Variants in UBE2H observed in about 807,000 individuals in gnomAD.
UBE2H encodes the protein ubiquitin-conjugating enzyme E2 H.
A neutral mutation model predicts 29.0 loss-of-function variants in UBE2H; 3 were observed. That is an observed-to-expected ratio of 0.10 (90% confidence interval 0.05 to 0.27). The LOEUF (loss-of-function observed/expected upper bound fraction) is 0.27. UBE2H is among the 10% of genes least tolerant of loss of function. The probability of loss-of-function intolerance (pLI) is 1.00; values close to 1 mark genes in which losing one functional copy is unlikely to be tolerated. For missense variants in UBE2H, 68 were observed against 228.2 expected, an observed-to-expected ratio of 0.30 and a Z score of 4.52; for synonymous variants, 69 against 82.9, an observed-to-expected ratio of 0.83 and a Z score of 0.91.
intron 1 of UBE2H, among the ~76,000 whole-genome samples, chr7:129,938,146 C>G (rs1037284064): frequency 1.4e-4 from 22 of 152,052 alleles, no homozygotes; most frequent in Admixed American, 2.0e-4. Flanking sequence ...CACAATGGTT[C>G]ACAACTGTAA....
intron 1 of UBE2H, among the ~76,000 whole-genome samples, chr7:129,925,696 T>C (rs1003930070): frequency 2.0e-5 from 3 of 152,168 alleles, no homozygotes; most frequent in South Asian, 4.1e-4. Context: ...CCTTTGGTCA[T>C]TGGAGGAGGG....
chr7:129,891,927 C>T (rs1202783795), intron 1 of UBE2H, among the ~76,000 whole-genome samples: 2 of 148,290 alleles, frequency 1.3e-5, no homozygotes, highest in African/African-American at 4.9e-5. Context: ...CATTCTTAAG[C>T]AGAATACTAA....
In UBE2H at chr7:129,888,497, C is replaced by T. The variant is rs140071177; in HGVS notation, c.54-7526G>A. ...GCAAGACCCTTTTTTTTTTTTGAGA[C>T]GGAGTCTCACTCTGTCGCCAAGGCT... On this transcript the variant is annotated intron_variant, in intron 1 of 6. Coordinates refer to ENST00000355621, the MANE Select transcript of UBE2H (RefSeq NM_003344.4). Among the ~76,000 whole-genome samples, 244 of 151,156 alleles carry T rather than the reference C, an allele frequency of 1.6e-3. 2 individuals are homozygous for T. Among genetic ancestry groups the T allele is most frequent in the African/African-American group, 5.4e-3 (221 of 41,194 alleles).
intron 3 of UBE2H, among the ~76,000 whole-genome samples, chr7:129,868,994 T>C (rs1805974844): frequency 6.7e-6 from 1 of 148,866 alleles, no homozygotes; most frequent in African/African-American, 2.5e-5. Context: ...TGGAGTGCAA[T>C]GGCGCGATCT....
At chr7:129,867,450 C>CA (rs1371472495) in intron 3 of UBE2H, among the ~76,000 whole-genome samples, 1 of 122,324 alleles carries the variant, frequency 8.2e-6, no homozygotes, top group Admixed American at 9.4e-5. Flanking sequence ...ATCGCAAGAA[C>CA]AAAAAACCAA....
intron 1 of UBE2H, among the ~76,000 whole-genome samples, chr7:129,934,979 G>A (rs1807495463): frequency 1.3e-5 from 2 of 150,898 alleles, no homozygotes; most frequent in Non-Finnish European, 2.9e-5. Context: ...GTATATATGT[G>A]TGTGTATATA....
chr7:129,882,808 A>T (rs941782608), intron 1 of UBE2H, among the ~76,000 whole-genome samples: 18 of 152,304 alleles, frequency 1.2e-4, no homozygotes, highest in African/African-American at 2.6e-4. Flanking sequence ...AAACTTTTTT[A>T]AAAAAAGCAT....
At chr7:129,933,438 G>C (rs1807449318) in intron 1 of UBE2H, among the ~76,000 whole-genome samples, 1 of 152,148 alleles carries the variant, frequency 6.6e-6, no homozygotes, top group Non-Finnish European at 1.5e-5. Context: ...TACAAATGAA[G>C]TAAAGCAAGT....
chr7:129,876,553 G>A (rs562691932), intron 3 of UBE2H, among the ~76,000 whole-genome samples: 8 of 152,228 alleles, frequency 5.3e-5, no homozygotes, highest in Non-Finnish European at 5.9e-5. Context: ...TCTTTTCAAA[G>A]TGCCTAGAGG....
At chr7:129,916,195 T>C (rs1374861290) in intron 1 of UBE2H, among the ~76,000 whole-genome samples, 2 of 152,216 alleles carry the variant, frequency 1.3e-5, no homozygotes, top group African/African-American at 2.4e-5. Context: ...ACACAAAGTT[T>C]AACCGGCATT....
rs950736827 is a variant in UBE2H, at chr7:129,938,689, A to G, written c.53+13814T>C. Reference sequence around the variant, plus strand: ...CCATTGCACTCCAGCCTGGGCGCCAAGAGCAAAACTTCGTCTCAAAAAAAA... The same window carrying G: ...CCATTGCACTCCAGCCTGGGCGCCAGGAGCAAAACTTCGTCTCAAAAAAAA... On this transcript the variant is annotated intron_variant, in intron 1 of 6. Coordinates refer to ENST00000355621, the MANE Select transcript of UBE2H (RefSeq NM_003344.4). Among the ~76,000 whole-genome samples, 189 of 150,920 alleles carry G rather than the reference A, an allele frequency of 1.3e-3. 1 individual carries two copies. Among genetic ancestry groups the G allele is most frequent in the African/African-American group, 4.2e-3 (175 of 41,330 alleles).
rs898019170 is a variant in UBE2H, at chr7:129,834,313, T to C, written c.*624A>G. 2 of 152,192 alleles carry C rather than the reference T, an allele frequency of 1.3e-5. No individual in the cohort carries two copies. The highest frequency in any genetic ancestry group is 2.4e-5 in the African/African-American group (1 of 41,436). 9.4% of individuals were successfully genotyped at this position (152,192 alleles called of 1,614,324 possible). A position where few individuals can be genotyped will look rare whatever the true frequency, so the allele number is the denominator to read the frequency against. ...AGTGTGAAGGGCAGCAACTGACATATAAAAATGTACTTAAAATCAGAGTCA... is the reference window on the plus strand; with the variant it reads ...AGTGTGAAGGGCAGCAACTGACATACAAAAATGTACTTAAAATCAGAGTCA... On this transcript the variant is annotated 3_prime_UTR_variant, in exon 7 of 7. Transcript: ENST00000355621.
At chr7:129,836,461 C>T (rs981265999) in intron 6 of UBE2H, among the ~76,000 whole-genome samples, 6 of 152,200 alleles carry the variant, frequency 3.9e-5, no homozygotes, top group Non-Finnish European at 4.4e-5. Context: ...GGACGAAAAA[C>T]GGCCGAGGCA....
chr7:129,949,811 G>A (rs1042135968), intron 1 of UBE2H, among the ~76,000 whole-genome samples: 3 of 152,128 alleles, frequency 2.0e-5, no homozygotes, highest in African/African-American at 7.2e-5. Context: ...AATCGTGGTG[G>A]TATAATTACG....
At chr7:129,840,254 T>C (rs1805404602) in intron 5 of UBE2H, among the ~76,000 whole-genome samples, 3 of 152,112 alleles carry the variant, frequency 2.0e-5, no homozygotes, top group Non-Finnish European at 4.4e-5. Flanking sequence ...GGTGTGATCA[T>C]ACCTCACTGC....
intron 1 of UBE2H, 26 bp downstream of exon 1, chr7:129,952,477 C>A (rs1481941725): frequency 1.2e-6 from 2 of 1,611,072 alleles, no homozygotes; most frequent in Non-Finnish European, 1.7e-6. Context: ...CCACACACAG[C>A]CCGAATTCCC....
chr7:129,875,321 G>A (rs1806124642), intron 3 of UBE2H, among the ~76,000 whole-genome samples: 1 of 152,170 alleles, frequency 6.6e-6, no homozygotes, highest in Non-Finnish European at 1.5e-5. Flanking sequence ...TCAAAGAGGT[G>A]TTAAAACATG....
chr7:129,884,716 C>T (rs1806325010), intron 1 of UBE2H, among the ~76,000 whole-genome samples: 2 of 151,712 alleles, frequency 1.3e-5, no homozygotes, highest in African/African-American at 2.4e-5. Flanking sequence ...TTCCCCCTAG[C>T]TGGGCCTACA....
chr7:129,882,973 A>G (rs993006917), intron 1 of UBE2H, among the ~76,000 whole-genome samples: 2 of 152,218 alleles, frequency 1.3e-5, no homozygotes, highest in Non-Finnish European at 2.9e-5. Context: ...AAAATAAGTT[A>G]TTACAAAGCA....
Sources: allele counts gnomAD v4.1 joint callset (sites outside exome capture counted in the v4.1 genomes callset), GRCh38; gene constraint gnomAD v4.1.1; transcripts MANE v1.5; gene names NCBI Gene and HGNC (gene_info 2026-07-23, HGNC 2026-07-21).